The following NEDD4 variants were observed in gnomAD, a reference collection of about 807,000 sequenced individuals.
NEDD4 encodes the protein NEDD4 E3 ubiquitin protein ligase.
Under a neutral mutation model 144.9 loss-of-function variants are expected in NEDD4, and 99 were observed. That is an observed-to-expected ratio of 0.68 (90% CI 0.58 to 0.81). The LOEUF (loss-of-function observed/expected upper bound fraction) is 0.81, where lower values mean the gene tolerates loss of function less well. Among genes scored for constraint, NEDD4 ranks in the 30% least tolerant of loss-of-function variants. NEDD4 has a pLI of 0.00. For synonymous variants in NEDD4, 318 were observed against 350.6 expected, an observed-to-expected ratio of 0.91 and a Z score of 1.04; for missense variants, 985 against 1,065.9, an observed-to-expected ratio of 0.92 and a Z score of 1.06.
intron 4 of NEDD4, among the ~76,000 whole-genome samples, 153 bp downstream of exon 4, chr15:55,951,223 T>C (rs982996212): frequency 6.6e-6 from 1 of 152,224 alleles, no homozygotes; most frequent in Non-Finnish European, 1.5e-5. Flanking sequence ...TTATGTTTTT[T>C]ATAAGACAAA....
At chr15:55,866,067 C>T (rs374146463) in intron 8 of NEDD4, among the ~76,000 whole-genome samples, 31 of 151,978 alleles carry the variant, frequency 2.0e-4, no homozygotes, top group South Asian at 4.2e-4. Flanking sequence ...GTGTGTACTA[C>T]CATCCCAAGC....
chr15:55,966,776 A>G (rs1486487493), intron 1 of NEDD4, among the ~76,000 whole-genome samples: 1 of 152,266 alleles, frequency 6.6e-6, no homozygotes, highest in African/African-American at 2.4e-5. Context: ...TATTACACTG[A>G]ATAAGAATTT....
chr15:55,946,190 A>G (rs574499915), intron 4 of NEDD4, among the ~76,000 whole-genome samples: 97 of 152,332 alleles, frequency 6.4e-4, no homozygotes, highest in Non-Finnish European at 1.2e-3. Context: ...AAATGCCCCC[A>G]TTAAAAGACA....
chr15:55,861,181 A>G (rs1367587428), intron 9 of NEDD4, among the ~76,000 whole-genome samples: 4 of 152,220 alleles, frequency 2.6e-5, no homozygotes, highest in East Asian at 3.8e-4. Context: ...TTTGTGAATC[A>G]GATAGTACAT....
intron 5 of NEDD4, among the ~76,000 whole-genome samples, chr15:55,899,983 T>C (rs1304630785): frequency 2.6e-5 from 4 of 152,220 alleles, no homozygotes; most frequent in Non-Finnish European, 5.9e-5. Context: ...ATCTTAGTTT[T>C]AGTTCTTGCT....
intron 5 of NEDD4, among the ~76,000 whole-genome samples, chr15:55,878,771 G>A (rs1379630294): frequency 2.6e-5 from 4 of 152,300 alleles, no homozygotes; most frequent in South Asian, 2.1e-4. Flanking sequence ...TGAAATGAAC[G>A]GATATACAAA....
chr15:55,943,295 T>G (rs1443490246), intron 4 of NEDD4, among the ~76,000 whole-genome samples: 1 of 152,216 alleles, frequency 6.6e-6, no homozygotes, highest in Non-Finnish European at 1.5e-5. Context: ...TGAATGTTCA[T>G]AGCCAAGACA....
chr15:55,867,588 G>C (rs536204963), intron 8 of NEDD4, among the ~76,000 whole-genome samples: 3 of 152,146 alleles, frequency 2.0e-5, no homozygotes, highest in Admixed American at 6.5e-5. Flanking sequence ...GAGATACTCT[G>C]GTACACCAAA....
intron 5 of NEDD4, chr15:55,917,157 T>C (rs1479850347): frequency 9.3e-6 from 10 of 1,076,772 alleles, no homozygotes; most frequent in Non-Finnish European, 1.1e-5. Flanking sequence ...CAGCCAACCT[T>C]GTTTCAATTA....
intron 5 of NEDD4, among the ~76,000 whole-genome samples, chr15:55,892,309 TA>T (rs2035595972): frequency 5.2e-5 from 4 of 77,460 alleles, no homozygotes; most frequent in South Asian, 4.4e-4. Flanking sequence ...AATAAATAAA[TA>T]AATAAATAAA....
At position 55,868,527 on chromosome 15, in the gene NEDD4, G is replaced by A. The variant is rs541789645; in HGVS notation, c.507+1052C>T. On this transcript the variant is annotated intron_variant, in intron 8 of 28. Coordinates refer to ENST00000435532, the MANE Select transcript of NEDD4 (RefSeq NM_006154.4). ...TCATGATAGTGAATAAGTCTCATGA[G>A]ATCTGATAGTTTTATAAAGGGCAGT... Among the ~76,000 whole-genome samples the A allele has an allele frequency of 9.2e-5, 14 of 152,234 alleles. No homozygotes were observed. In the South Asian group the frequency reaches 2.3e-3, roughly 25 times the overall value.
At chr15:55,988,384 T>G in intron 1 of NEDD4, among the ~76,000 whole-genome samples, 2 of 124,672 alleles carry the variant, frequency 1.6e-5, no homozygotes, top group African/African-American at 3.2e-5. Flanking sequence ...AGATGACACG[T>G]TAGTGGGTGC....
Position 55,840,612 on chromosome 15 carries a change from A to G in NEDD4, c.1954T>C (p.Leu652=), listed in dbSNP as rs2033458117. ...AGMAVYHGKL[L]DGFFIRPFYK... ...GTTTATACTTAATACTAACCATCCA[A>G]CAGTTTGCCATGATAAACTGCCATT... Residue 652 remains leucine (L), a synonymous_variant, in exon 20 of 29, where the codon TTG becomes CTG. Coordinates refer to ENST00000435532, the MANE Select transcript of NEDD4 (RefSeq NM_006154.4). 5 of 1,613,960 alleles carry G rather than the reference A, an allele frequency of 3.1e-6. No homozygotes were observed. The South Asian group carries it at 5.5e-5, about 18-fold the overall frequency.
At chr15:55,993,394 G>T in intron 1 of NEDD4, 117 bp downstream of exon 1, 1 of 1,319,310 alleles carries the variant, frequency 7.6e-7, no homozygotes, top group Non-Finnish European at 1.0e-6. Context: ...GGCTCGCGCC[G>T]AGGGAGGAGG....
chr15:55,839,185 C>T (rs1226017342), intron 21 of NEDD4, among the ~76,000 whole-genome samples: 17 of 151,790 alleles, frequency 1.1e-4, no homozygotes, highest in African/African-American at 3.9e-4. Context: ...CGCACCACCA[C>T]GCCTGGCTAA....
chr15:55,988,263 G>A (rs1334460228), intron 1 of NEDD4, among the ~76,000 whole-genome samples: 20 of 119,878 alleles, frequency 1.7e-4, no homozygotes, highest in Admixed American at 9.5e-4. Flanking sequence ...TCATAGGTGG[G>A]AATTGAACAA....
At position 55,889,975 on chromosome 15, in the gene NEDD4, T is replaced by C. The variant is rs143116874; in HGVS notation, c.292-15967A>G. ...ACATCGGCCTCCCAAAGCGCTAGGA[T>C]TACAGGCATGAACCACCACACCAAG... On this transcript the variant is annotated intron_variant, in intron 5 of 28. Transcript: ENST00000435532. Among the ~76,000 whole-genome samples, 449 of 152,184 alleles carry C rather than the reference T, an allele frequency of 3.0e-3. 6 individuals carry two copies. The highest frequency in any genetic ancestry group is 0.01 in the African/African-American group (422 of 41,522).
At position 55,827,474 on chromosome 15, in the gene NEDD4, A is replaced by G. The variant is rs1034588405; in HGVS notation, c.*2423T>C. On this transcript the variant is annotated 3_prime_UTR_variant, in exon 29 of 29. Coordinates refer to ENST00000435532, the MANE Select transcript of NEDD4 (RefSeq NM_006154.4). ...CATTTAACATCATGTTCTATGAGTC[A>G]CAGAATCATCCAAATGAGTATCAGC... 6.6e-6 allele frequency: 1 copy of G among 152,208 alleles called. No individual in the cohort carries two copies. The allele number at this position is 152,208 out of a possible 1,614,324, so 9.4% of individuals were successfully genotyped here.
At chr15:55,971,208 G>A (rs1304071507) in intron 1 of NEDD4, among the ~76,000 whole-genome samples, 1 of 152,092 alleles carries the variant, frequency 6.6e-6, no homozygotes, top group Non-Finnish European at 1.5e-5. Flanking sequence ...GCAGAAGAAA[G>A]AATTAGCGAG....
Sources: gnomAD v4.1 joint callset for allele counts (sites outside exome capture counted in the v4.1 genomes callset) on GRCh38, gnomAD v4.1.1 for gene constraint, MANE v1.5 for transcripts, NCBI Gene and HGNC (gene_info 2026-07-23, HGNC 2026-07-21) for gene names.